Variants in VAV3 observed in about 807,000 individuals in gnomAD.
VAV3 encodes the protein guanine nucleotide exchange factor VAV3.
Under a neutral mutation model 131.2 loss-of-function variants are expected in VAV3, and 94 were observed. The ratio of observed to expected loss-of-function variants is 0.72; its 90% confidence interval spans 0.61 to 0.85. The LOEUF (loss-of-function observed/expected upper bound fraction) is 0.85, where lower values mean the gene tolerates loss of function less well. Ranked by LOEUF, VAV3 falls within the 40% of genes least tolerant of loss-of-function variation. The pLI is 0.00. For missense variants in VAV3, 939 were observed against 1,002.7 expected, an observed-to-expected ratio of 0.94 and a Z score of 0.86; for synonymous variants, 349 against 342.0, an observed-to-expected ratio of 1.02 and a Z score of -0.22.
At chr1:107,861,741 G>T (rs1214538200) in intron 2 of VAV3, among the ~76,000 whole-genome samples, 1 of 151,530 alleles carries the variant, frequency 6.6e-6, no homozygotes, top group Non-Finnish European at 1.5e-5. Flanking sequence ...AACTCAAAGA[G>T]TGTAAATGAT....
At chr1:107,651,805 T>A (rs571558774) in intron 19 of VAV3, among the ~76,000 whole-genome samples, 1 of 152,188 alleles carries the variant, frequency 6.6e-6, no homozygotes, top group Non-Finnish European at 1.5e-5. Flanking sequence ...ATAAGTTTCC[T>A]ATTAAAAACT....
At chr1:107,612,368 A>T (rs921108580) in intron 21 of VAV3, among the ~76,000 whole-genome samples, 17 of 152,004 alleles carry the variant, frequency 1.1e-4, no homozygotes, top group Non-Finnish European at 1.8e-4. Flanking sequence ...ACAACTTTTA[A>T]CATATTCTTA....
intron 25 of VAV3, chr1:107,576,274 A>C: frequency 1.7e-4 from 118 of 707,832 alleles, no homozygotes; most frequent in Middle Eastern, 3.5e-4. Context: ...TGGTAATGGA[A>C]CTCGAGGGAT....
intron 19 of VAV3, among the ~76,000 whole-genome samples, chr1:107,650,702 C>CT (rs1656097194): frequency 1.6e-5 from 2 of 122,532 alleles, no homozygotes; most frequent in African/African-American, 7.5e-5. Flanking sequence ...AATGCTATCC[C>CT]TCCCCCCCCT....
intron 2 of VAV3, among the ~76,000 whole-genome samples, chr1:107,801,420 T>C (rs1396744766): frequency 1.3e-5 from 2 of 152,140 alleles, no homozygotes; most frequent in Non-Finnish European, 2.9e-5. Flanking sequence ...TTTGAACTGT[T>C]AAAGCAAACT....
intron 1 of VAV3, among the ~76,000 whole-genome samples, chr1:107,897,635 A>G (rs1557909764): frequency 6.6e-6 from 1 of 152,000 alleles, no homozygotes; most frequent in African/African-American, 2.4e-5. Context: ...AGGTGCATTC[A>G]CCCTGCCCAT....
intron 1 of VAV3, among the ~76,000 whole-genome samples, chr1:107,887,191 G>A (rs142633687): frequency 1.5e-4 from 23 of 152,338 alleles, no homozygotes; most frequent in Non-Finnish European, 2.1e-4. Context: ...ACCTGGCAGC[G>A]AGCAGTAGCC....
At chr1:107,831,115 T>C (rs1192017201) in intron 2 of VAV3, among the ~76,000 whole-genome samples, 1 of 152,124 alleles carries the variant, frequency 6.6e-6, no homozygotes, top group Non-Finnish European at 1.5e-5. Flanking sequence ...AGTAATAAGA[T>C]CTTGCTAAAA....
chr1:107,838,483 C>G (rs1668566806), intron 2 of VAV3, among the ~76,000 whole-genome samples: 1 of 152,170 alleles, frequency 6.6e-6, no homozygotes. Context: ...AAAGAGAACA[C>G]TTTTACACTG....
intron 17 of VAV3, among the ~76,000 whole-genome samples, chr1:107,694,609 A>G (rs1321445393): frequency 6.6e-6 from 1 of 152,118 alleles, no homozygotes; most frequent in African/African-American, 2.4e-5. Flanking sequence ...TTTTTATTCC[A>G]CTTTTCCACA....
chr1:107,653,226 C>T (rs183732316), intron 19 of VAV3, among the ~76,000 whole-genome samples: 4 of 151,644 alleles, frequency 2.6e-5, no homozygotes, highest in African/African-American at 7.2e-5. Context: ...ACCATCATTT[C>T]GATGTGCTGA....
chr1:107,944,216 C>T (rs902492392), intron 1 of VAV3, among the ~76,000 whole-genome samples: 1 of 152,186 alleles, frequency 6.6e-6, no homozygotes, highest in Non-Finnish European at 1.5e-5. Context: ...TGCCGGACCC[C>T]CTCTCATCTT....
At chr1:107,591,580 AAAG>A (rs1185417607) in intron 25 of VAV3, among the ~76,000 whole-genome samples, 2 of 152,316 alleles carry the variant, frequency 1.3e-5, no homozygotes, top group African/African-American at 2.4e-5. Flanking sequence ...GAAGCAGGCA[AAAG>A]AAGGACACTG....
rs61276973 is a variant in VAV3, at chr1:107,586,139, G to GT, written c.2350+10072dup. ...TCATGAGTACCACTCCCTTGGCATAGTTTTTTTTTTTTTTTTTTCCCAGAG... is the reference window on the plus strand; with the variant it reads ...TCATGAGTACCACTCCCTTGGCATAGTTTTTTTTTTTTTTTTTTTCCCAGAG... On this transcript the variant is annotated intron_variant, in intron 25 of 26. Coordinates refer to ENST00000370056, the MANE Select transcript of VAV3 (RefSeq NM_006113.5). 3.9e-4 allele frequency among the ~76,000 whole-genome samples: 57 copies of GT among 145,830 alleles called. 1 individual carries two copies. The highest frequency in any genetic ancestry group is 1.3e-3 in the African/African-American group (51 of 39,562).
At chr1:107,793,450 G>A (rs1368548780) in intron 2 of VAV3, among the ~76,000 whole-genome samples, 3 of 152,186 alleles carry the variant, frequency 2.0e-5, no homozygotes, top group Non-Finnish European at 4.4e-5. Context: ...CAGAATGAGA[G>A]CACAGGTTCC....
chr1:107,837,488 C>T (rs1253317095), intron 2 of VAV3, among the ~76,000 whole-genome samples: 1 of 152,060 alleles, frequency 6.6e-6, no homozygotes, highest in African/African-American at 2.4e-5. Context: ...TTCAACACTA[C>T]TCCTATCAAA....
intron 21 of VAV3, 24 bp downstream of exon 21, chr1:107,617,543 G>T (rs747688128): frequency 3.2e-6 from 5 of 1,582,364 alleles, no homozygotes; most frequent in Non-Finnish European, 4.3e-6. Flanking sequence ...TGAAGCAAGA[G>T]AAAATTAAGA....
intron 20 of VAV3, among the ~76,000 whole-genome samples, chr1:107,622,155 T>C (rs1413495486): frequency 1.3e-5 from 2 of 152,206 alleles, no homozygotes; most frequent in African/African-American, 4.8e-5. Flanking sequence ...GACAACTTCT[T>C]CTGACATTCC....
intron 15 of VAV3, among the ~76,000 whole-genome samples, chr1:107,748,503 A>T (rs913661617): frequency 1.2e-4 from 18 of 152,250 alleles, no homozygotes; most frequent in African/African-American, 3.4e-4. Flanking sequence ...TTTAGCCAAG[A>T]TTCAAATAAG....
Sources: allele counts gnomAD v4.1 joint callset (sites outside exome capture counted in the v4.1 genomes callset), GRCh38; gene constraint gnomAD v4.1.1; transcripts MANE v1.5; gene names NCBI Gene and HGNC (gene_info 2026-07-23, HGNC 2026-07-21).